Variants in CNTN1 observed in about 807,000 individuals in gnomAD.
CNTN1 encodes contactin-1.
CNTN1 carries 38 observed loss-of-function variants against 126.4 expected under a neutral mutation model. The observed-to-expected ratio is 0.30, with a 90% CI of 0.23 to 0.39. The LOEUF (loss-of-function observed/expected upper bound fraction) is 0.39, where lower values mean the gene tolerates loss of function less well. CNTN1 is among the 10% of genes least tolerant of loss of function. The pLI, the probability that CNTN1 is intolerant of heterozygous loss-of-function variation, is 1.00. For synonymous variants in CNTN1, 413 were observed against 422.6 expected (o/e 0.98, Z 0.28); for missense variants, 1,009 against 1,248.4 (o/e 0.81, Z 2.89).
intron 1 of CNTN1, chr12:40,895,855 T>G (rs1422893409): frequency 6.6e-6 from 1 of 151,258 alleles, no homozygotes; most frequent in Non-Finnish European, 1.5e-5. Context: ...CCTCCCGGGT[T>G]CACGCCATTC....
chr12:40,772,848 A>T (rs991856034), intron 1 of CNTN1, among the ~76,000 whole-genome samples: 2 of 151,886 alleles, frequency 1.3e-5, no homozygotes, highest in Non-Finnish European at 2.9e-5. Flanking sequence ...CAGTGAGACT[A>T]AAAAGATTGT....
intron 1 of CNTN1, among the ~76,000 whole-genome samples, chr12:40,868,719 T>A (rs553623072): frequency 5.3e-5 from 8 of 152,240 alleles, no homozygotes; most frequent in Non-Finnish European, 1.2e-4. Flanking sequence ...CATCCCAGCC[T>A]GAACACCTAT....
chr12:40,816,901 T>A (rs1941273559), intron 1 of CNTN1, among the ~76,000 whole-genome samples: 1 of 152,218 alleles, frequency 6.6e-6, no homozygotes. Flanking sequence ...TATTTCATTA[T>A]TTACCCTGGA....
intron 14 of CNTN1, among the ~76,000 whole-genome samples, chr12:40,952,791 TCTCTA>T (rs1411312654): frequency 2.0e-5 from 3 of 152,158 alleles, no homozygotes; most frequent in Non-Finnish European, 4.4e-5. Flanking sequence ...ATTTTTGCTT[TCTCTA>T]CTCTAACAAG....
At chr12:40,825,157 AGT>A (rs1941570466) in intron 1 of CNTN1, among the ~76,000 whole-genome samples, 1 of 152,146 alleles carries the variant, frequency 6.6e-6, no homozygotes, top group Non-Finnish European at 1.5e-5. Flanking sequence ...TATGTTAGAG[AGT>A]GTCTATGATA....
intron 1 of CNTN1, among the ~76,000 whole-genome samples, chr12:40,888,744 T>C (rs955976021): frequency 2.0e-5 from 3 of 152,186 alleles, no homozygotes; most frequent in African/African-American, 4.8e-5. Context: ...CTGGGCCTGA[T>C]AGAGAGACTA....
chr12:40,789,236 C>G (rs968985303), intron 1 of CNTN1, among the ~76,000 whole-genome samples: 18 of 152,268 alleles, frequency 1.2e-4, no homozygotes, highest in Non-Finnish European at 7.4e-5. Context: ...AGATGAATTT[C>G]TAATCCAACT....
At chr12:41,028,023 C>A (rs1316944948) in intron 22 of CNTN1, 54 bp downstream of exon 22, 2 of 1,278,126 alleles carry the variant, frequency 1.6e-6, no homozygotes, top group Non-Finnish European at 2.3e-6. Context: ...TTCAGTGAAA[C>A]CCAAGATGGG....
rs1592426972 is a variant in CNTN1, at chr12:41,028,076, G to C, written c.2823+107G>C. On this transcript the variant is annotated intron_variant, in intron 22 of 23. Coordinates refer to ENST00000551295, the MANE Select transcript of CNTN1 (RefSeq NM_001843.4). ...AGATGGAATTTTGCTCTGTCACCCA[G>C]ACCGGAGTGCAGTGGTACAATCTTG... The C allele has an allele frequency of 1.6e-5, 12 of 769,938 alleles. No individual in the cohort carries two copies. In the East Asian group the frequency reaches 3.0e-4, roughly 19 times the overall value. The allele number at this position is 769,938 out of a possible 1,614,324, so 47.7% of individuals were successfully genotyped here.
chr12:40,704,444 GA>G (rs1042514596), intron 1 of CNTN1, among the ~76,000 whole-genome samples: 1 of 152,036 alleles, frequency 6.6e-6, no homozygotes, highest in African/African-American at 2.4e-5. Context: ...GAGTAGTTAA[GA>G]AAAGATAATT....
intron 1 of CNTN1, among the ~76,000 whole-genome samples, chr12:40,771,379 G>A (rs564002064): frequency 7.2e-5 from 11 of 151,978 alleles, no homozygotes; most frequent in African/African-American, 9.7e-5. Context: ...ATAATTTGCC[G>A]AGAAGCTTAA....
intron 17 of CNTN1, among the ~76,000 whole-genome samples, chr12:41,006,426 T>C (rs1198095350): frequency 6.6e-6 from 1 of 152,040 alleles, no homozygotes; most frequent in Non-Finnish European, 1.5e-5. Context: ...CTGGAGACTG[T>C]GTGTGGGCAT....
Position 40,939,453 on chromosome 12 carries a change from T to C in CNTN1, c.1347T>C (p.Ser449=). ...CACCGAAACCAAAGTTTTCATGGAG[T>C]AAAGGGACAGAGTGGCTTGTCAATA... ...KAAPKPKFSW[S]KGTEWLVNSS... is the part of the protein sequence containing the mutation. Residue 449 remains serine, a synonymous_variant, in exon 12 of 24, where the codon AGT becomes AGC. Coordinates refer to ENST00000551295, the MANE Select transcript of CNTN1 (RefSeq NM_001843.4). 7.4e-6 allele frequency: 12 copies of C among 1,613,754 alleles called. No individual in the cohort carries two copies. The highest frequency in any genetic ancestry group is 9.3e-6 in the Non-Finnish European group (11 of 1,179,888).
intron 9 of CNTN1, among the ~76,000 whole-genome samples, chr12:40,934,908 CCTT>C (rs1353276587): frequency 6.6e-6 from 1 of 151,966 alleles, no homozygotes; most frequent in Non-Finnish European, 1.5e-5. Flanking sequence ...TTGGTCCCTC[CCTT>C]CTTCATGATT....
intron 1 of CNTN1, among the ~76,000 whole-genome samples, chr12:40,735,724 G>A (rs111562707): frequency 5.3e-5 from 8 of 152,156 alleles, no homozygotes; most frequent in East Asian, 1.9e-4. Context: ...TCAAATCAGC[G>A]TGCAGGAAGA....
chr12:40,762,809 AAAT>A (rs374393614), intron 1 of CNTN1, among the ~76,000 whole-genome samples: 3 of 152,150 alleles, frequency 2.0e-5, no homozygotes, highest in Admixed American at 2.0e-4. Flanking sequence ...GGAATTGAGT[AAAT>A]AATAATAATA....
At chr12:41,026,675 T>G (rs1449855924) in intron 21 of CNTN1, among the ~76,000 whole-genome samples, 1 of 152,170 alleles carries the variant, frequency 6.6e-6, no homozygotes, top group East Asian at 1.9e-4. Flanking sequence ...GGGGCCCAAT[T>G]ACGGAGAACC....
intron 13 of CNTN1, 35 bp from the exon 14 acceptor site, chr12:40,943,960 T>G (rs1330867731): frequency 6.3e-7 from 1 of 1,586,484 alleles, no homozygotes; most frequent in African/African-American, 1.3e-5. Context: ...GTCTTATATC[T>G]TCTTGAATTG....
At chr12:40,951,714 T>TAAAA (rs1294780787) in intron 14 of CNTN1, among the ~76,000 whole-genome samples, 1,187 of 79,396 alleles carry the variant, frequency 0.015, 59 homozygotes, top group African/African-American at 0.017. Flanking sequence ...GTCTCAAAAT[T>TAAAA]TAAAAAAAAA....
Sources: gnomAD v4.1 joint callset for allele counts (sites outside exome capture counted in the v4.1 genomes callset) on GRCh38, gnomAD v4.1.1 for gene constraint, MANE v1.5 for transcripts, NCBI Gene and HGNC (gene_info 2026-07-23, HGNC 2026-07-21) for gene names.